AGBL3: variants seen among roughly 807,000 people sequenced by gnomAD.
AGBL3 encodes the protein cytosolic carboxypeptidase 3.
AGBL3 carries 68 observed loss-of-function variants against 94.5 expected under a neutral mutation model. The observed-to-expected ratio is 0.72, with a 90% CI of 0.59 to 0.88. AGBL3 has a LOEUF of 0.88. AGBL3 is among the 40% of genes least tolerant of loss of function. The pLI is 0.00. For synonymous variants in AGBL3, 354 were observed against 370.7 expected (o/e 0.95, Z 0.52); for missense variants, 934 against 1,103.8 (o/e 0.85, Z 2.18).
intron 4 of AGBL3, 139 bp from the exon 5 acceptor site, chr7:135,016,913 A>G (rs1244491724): frequency 1.6e-6 from 1 of 634,016 alleles, no homozygotes. Context: ...ATTCCAATGA[A>G]CCCTTAGTAA....
At chr7:135,080,702 C>CTA (rs1420411325) in intron 14 of AGBL3, among the ~76,000 whole-genome samples, 1 of 149,038 alleles carries the variant, frequency 6.7e-6, no homozygotes, top group East Asian at 1.9e-4. Context: ...CTGCAACCTG[C>CTA]TAAGTCTGAT....
intron 15 of AGBL3, chr7:135,101,153 T>C (rs1335167593): frequency 4.4e-6 from 2 of 455,904 alleles, no homozygotes; most frequent in East Asian, 1.4e-4. Context: ...GAGGCCAATC[T>C]AGGAAAAAAA....
At position 135,060,712 on chromosome 7, in the gene AGBL3, C is replaced by G. The variant is rs1818758985; in HGVS notation, c.1908+1477C>G. Among the ~76,000 whole-genome samples the G allele has an allele frequency of 2.0e-5, 3 of 152,114 alleles. No individual in the cohort carries two copies. In the South Asian group the frequency reaches 6.2e-4, roughly 31 times the overall value. On this transcript the variant is annotated intron_variant, in intron 12 of 16. Coordinates refer to ENST00000436302, the MANE Select transcript of AGBL3 (RefSeq NM_178563.4). ...ATGTCCTCCACGTTCATCTATATTA[C>G]TCCAAGTGAAAAGATTTCCTTCTTT...
At chr7:135,122,131 C>T (rs1236341609) in intron 16 of AGBL3, among the ~76,000 whole-genome samples, 2 of 152,206 alleles carry the variant, frequency 1.3e-5, no homozygotes. Context: ...GCCTAACACA[C>T]TAAGCTCCCT....
At chr7:135,037,077 A>C (rs953570811) in intron 7 of AGBL3, among the ~76,000 whole-genome samples, 1 of 151,992 alleles carries the variant, frequency 6.6e-6, no homozygotes, top group Admixed American at 6.6e-5. Flanking sequence ...GTGCCGCCAC[A>C]CCCAGCTAAT....
At chr7:135,114,734 T>C (rs955289379) in intron 15 of AGBL3, among the ~76,000 whole-genome samples, 1 of 152,118 alleles carries the variant, frequency 6.6e-6, no homozygotes, top group African/African-American at 2.4e-5. Flanking sequence ...TTCCAAGAGA[T>C]CTCCCTGTTT....
In AGBL3 at chr7:135,030,181, G is replaced by GA. The variant is rs142489617; in HGVS notation, c.419-2655dup. Among the ~76,000 whole-genome samples the GA allele has an allele frequency of 3.0e-3, 387 of 129,040 alleles. 2 individuals are homozygous for GA. Among genetic ancestry groups the GA allele is most frequent in the African/African-American group, 0.012 (361 of 31,260 alleles). The allele number at this position is 129,040 out of a possible 152,430, so 84.7% of individuals were successfully genotyped here. On this transcript the variant is annotated intron_variant, in intron 5 of 16. Coordinates refer to ENST00000436302, the MANE Select transcript of AGBL3 (RefSeq NM_178563.4). ...GTTAAAAAAAAAAAAAAAAAAGAAAGAAAAAAAACAGTATCTGTGAAGCAC... is the reference window on the plus strand; with the variant it reads ...GTTAAAAAAAAAAAAAAAAAAGAAAGAAAAAAAAACAGTATCTGTGAAGCAC...
chr7:135,050,992 A>G (rs1395823730), intron 11 of AGBL3: 1 of 417,342 alleles, frequency 2.4e-6, no homozygotes, highest in Non-Finnish European at 4.7e-6. Flanking sequence ...CTTCTCTTCA[A>G]ATTATTTCTA....
At chr7:135,046,407 G>A (rs1584934595) in intron 11 of AGBL3, among the ~76,000 whole-genome samples, 1 of 152,046 alleles carries the variant, frequency 6.6e-6, no homozygotes, top group African/African-American at 2.4e-5. Context: ...TATAATATAT[G>A]TATTCACTAT....
chr7:135,075,939 G>A (rs944028646), intron 12 of AGBL3, among the ~76,000 whole-genome samples: 2 of 152,216 alleles, frequency 1.3e-5, no homozygotes, highest in African/African-American at 2.4e-5. Flanking sequence ...GTGTTGGCAT[G>A]GGTGGGTGTG....
intron 4 of AGBL3, among the ~76,000 whole-genome samples, chr7:134,998,182 C>T (rs1811243150): frequency 6.6e-6 from 1 of 152,200 alleles, no homozygotes; most frequent in South Asian, 2.1e-4. Flanking sequence ...GATAATGGCT[C>T]ATTACCTCTG....
intron 5 of AGBL3, among the ~76,000 whole-genome samples, chr7:135,020,051 A>G (rs1814254829): frequency 6.6e-6 from 1 of 152,238 alleles, no homozygotes; most frequent in Admixed American, 6.5e-5. Flanking sequence ...CAAAAGCCAA[A>G]ATTGACAAAT....
intron 5 of AGBL3, among the ~76,000 whole-genome samples, chr7:135,029,065 A>T (rs1030378138): frequency 1.3e-5 from 2 of 152,168 alleles, no homozygotes; most frequent in African/African-American, 4.8e-5. Context: ...TGTCGTCTAG[A>T]TTTTGTTGTT....
rs189083910 is a variant in AGBL3, at chr7:135,004,496, G to T, written c.310+10818G>T. ...TTTAATTAATGTTCTTTATAATTTC[G>T]AGAGAAATCTTCTAAAACTGTGCAT... On this transcript the variant is annotated intron_variant, in intron 4 of 16. Coordinates refer to ENST00000436302, the MANE Select transcript of AGBL3 (RefSeq NM_178563.4). 5.2e-3 allele frequency among the ~76,000 whole-genome samples: 794 copies of T among 151,632 alleles called. 6 individuals carry two copies. Among genetic ancestry groups the T allele is most frequent in the African/African-American group, 0.018 (731 of 41,492 alleles).
chr7:135,030,359 A>G (rs1815596271), intron 5 of AGBL3, among the ~76,000 whole-genome samples: 2 of 152,178 alleles, frequency 1.3e-5, no homozygotes, highest in African/African-American at 2.4e-5. Flanking sequence ...TGATATTTTC[A>G]GCTCATGATG....
intron 16 of AGBL3, among the ~76,000 whole-genome samples, chr7:135,132,871 GC>G (rs1828977967): frequency 6.6e-6 from 1 of 152,036 alleles, no homozygotes; most frequent in East Asian, 1.9e-4. Flanking sequence ...GTTTTTATTA[GC>G]AGCGTGAGAA....
intron 4 of AGBL3, chr7:134,995,240 A>G (rs1196613616): frequency 6.6e-6 from 1 of 152,218 alleles, no homozygotes; most frequent in Non-Finnish European, 1.5e-5. Flanking sequence ...AGAGCAGAAG[A>G]GACCCAAAAG....
At position 135,135,521 on chromosome 7, in the gene AGBL3, C is replaced by A. The variant is rs538973057; in HGVS notation, c.*260C>A. On this transcript the variant is annotated 3_prime_UTR_variant, in exon 17 of 17. Coordinates refer to ENST00000436302, the MANE Select transcript of AGBL3 (RefSeq NM_178563.4). ...AGTTTTTATCAGCATGGAAAAAAAT[C>A]TCTGAAGTTTTGATTTCTTCCAAAA... 1.1e-5 allele frequency: 3 copies of A among 270,022 alleles called. No individual in the cohort carries two copies. Among genetic ancestry groups the A allele is most frequent in the Non-Finnish European group, 1.4e-5 (2 of 145,712 alleles). 16.7% of individuals were successfully genotyped at this position (270,022 alleles called of 1,614,324 possible). A position where few individuals can be genotyped will look rare whatever the true frequency, so the allele number is the denominator to read the frequency against.
At chr7:135,048,111 T>C (rs1817544059) in intron 11 of AGBL3, among the ~76,000 whole-genome samples, 1 of 151,960 alleles carries the variant, frequency 6.6e-6, no homozygotes, top group Non-Finnish European at 1.5e-5. Flanking sequence ...AAGATATTAT[T>C]CTTTTCCCAT....
Sources: allele counts gnomAD v4.1 joint callset (sites outside exome capture counted in the v4.1 genomes callset), GRCh38; gene constraint gnomAD v4.1.1; transcripts MANE v1.5; gene names NCBI Gene and HGNC (gene_info 2026-07-23, HGNC 2026-07-21).